The following PRKD1 variants were observed in gnomAD, a reference collection of about 807,000 sequenced individuals.
The protein encoded by PRKD1 is serine/threonine-protein kinase D1.
In PRKD1, 63 loss-of-function variants were observed where a neutral mutation model predicts 95.9. The ratio of observed to expected loss-of-function variants is 0.66; its 90% CI spans 0.54 to 0.81. The LOEUF (loss-of-function observed/expected upper bound fraction) is 0.81. PRKD1 is among the 30% of genes least tolerant of loss of function. The pLI, the probability that PRKD1 is intolerant of heterozygous loss-of-function variation, is 0.00. For missense variants in PRKD1, 1,048 were observed against 1,165.3 expected (o/e 0.90, Z 1.47); for synonymous variants, 425 against 423.1 (o/e 1.00, Z -0.05).
intron 1 of PRKD1, 102 bp from the exon 2 acceptor site, chr14:29,725,776 A>C: frequency 8.5e-7 from 1 of 1,169,644 alleles, no homozygotes; most frequent in Non-Finnish European, 1.2e-6. Flanking sequence ...GAAAAGTTCA[A>C]AGTATCTAGA....
At chr14:29,713,928 G>A (rs1441420050) in intron 2 of PRKD1, among the ~76,000 whole-genome samples, 3 of 152,234 alleles carry the variant, frequency 2.0e-5, no homozygotes, top group Admixed American at 6.5e-5. Context: ...TTAAACTCAG[G>A]CCGGTTACTT....
intron 2 of PRKD1, among the ~76,000 whole-genome samples, chr14:29,686,922 C>G (rs759955338): frequency 1.1e-4 from 17 of 152,154 alleles, no homozygotes; most frequent in Non-Finnish European, 2.1e-4. Context: ...CTGTTAACAA[C>G]ATACCATGAC....
chr14:29,651,941 T>C (rs969040506), intron 4 of PRKD1, among the ~76,000 whole-genome samples: 13 of 152,150 alleles, frequency 8.5e-5, no homozygotes, highest in African/African-American at 3.1e-4. Flanking sequence ...AGATGGGGTT[T>C]CACCACGTTG....
rs768400662 is a variant in PRKD1 at position 29,733,293 on chromosome 14, G to A, written c.265-7619C>T. ...AATTTTTTGTATTTTTAGTACAGAC[G>A]GGTTTTCACCGTGTTAGCCAGGATG... On this transcript the variant is annotated intron_variant, in intron 1 of 17. Coordinates refer to ENST00000331968, the MANE Select transcript of PRKD1 (RefSeq NM_002742.3). Among the ~76,000 whole-genome samples the A allele has an allele frequency of 2.6e-5, 4 of 151,492 alleles. No homozygotes were observed. The East Asian group carries it at 5.9e-4, about 22-fold the overall frequency.
intron 4 of PRKD1, among the ~76,000 whole-genome samples, chr14:29,660,286 T>C (rs1042166342): frequency 9.9e-5 from 15 of 152,252 alleles, no homozygotes; most frequent in African/African-American, 3.6e-4. Context: ...GCACATTGCC[T>C]TAATACTTTA....
chr14:29,784,610 C>G (rs537681849), intron 1 of PRKD1, among the ~76,000 whole-genome samples: 2 of 152,044 alleles, frequency 1.3e-5, no homozygotes, highest in African/African-American at 4.8e-5. Flanking sequence ...GCTTTCACTT[C>G]GAGATCTGAG....
chr14:29,806,074 T>C (rs975216882), intron 1 of PRKD1, among the ~76,000 whole-genome samples: 1 of 151,974 alleles, frequency 6.6e-6, no homozygotes, highest in Admixed American at 6.6e-5. Flanking sequence ...AGCAAATAAA[T>C]GCCCAGGAGA....
At chr14:29,918,952 C>G (rs1894986788) in intron 1 of PRKD1, among the ~76,000 whole-genome samples, 1 of 152,144 alleles carries the variant, frequency 6.6e-6, no homozygotes, top group Non-Finnish European at 1.5e-5. Flanking sequence ...ATTTTCATTA[C>G]TAAATTAATA....
intron 1 of PRKD1, among the ~76,000 whole-genome samples, chr14:29,830,571 C>G (rs570638286): frequency 6.6e-6 from 1 of 151,878 alleles, no homozygotes; most frequent in Non-Finnish European, 1.5e-5. Context: ...GGGTATGGTT[C>G]AAGTAGACAA....
chr14:29,740,080 T>TA (rs1886919135), intron 1 of PRKD1, among the ~76,000 whole-genome samples: 2 of 152,182 alleles, frequency 1.3e-5, no homozygotes, highest in African/African-American at 4.8e-5. Context: ...GCATTATACC[T>TA]TGACAGATTA....
rs538777958 is a variant in PRKD1, at chr14:29,743,212, A to C, written c.265-17538T>G. Reference sequence around the variant, plus strand: ...ACCTGAGAAATCTCAGCTTGTGAATAGGCCGGTAACTAGAGGTTCTCAAAA... The same window carrying C: ...ACCTGAGAAATCTCAGCTTGTGAATCGGCCGGTAACTAGAGGTTCTCAAAA... On this transcript the variant is annotated intron_variant, in intron 1 of 17. Coordinates refer to ENST00000331968, the MANE Select transcript of PRKD1 (RefSeq NM_002742.3). Among the ~76,000 whole-genome samples, 20 of 152,274 alleles carry C rather than the reference A, an allele frequency of 1.3e-4. 1 individual carries two copies. In the South Asian group the frequency reaches 4.1e-3, roughly 32 times the overall value.
intron 1 of PRKD1, among the ~76,000 whole-genome samples, chr14:29,924,834 C>T (rs1275550277): frequency 6.6e-6 from 1 of 152,120 alleles, no homozygotes; most frequent in Non-Finnish European, 1.5e-5. Flanking sequence ...TCTGCCATTC[C>T]TACTGTCACA....
chr14:29,656,757 G>T (rs895437744), intron 4 of PRKD1, among the ~76,000 whole-genome samples: 1 of 152,044 alleles, frequency 6.6e-6, no homozygotes, highest in African/African-American at 2.4e-5. Context: ...ATTGTGAGTC[G>T]CTAGATGTTA....
chr14:29,709,881 C>A (rs1885259778), intron 2 of PRKD1, among the ~76,000 whole-genome samples: 1 of 152,158 alleles, frequency 6.6e-6, no homozygotes, highest in Non-Finnish European at 1.5e-5. Context: ...TTCAGAAACA[C>A]CCTCACAGAC....
chr14:29,807,942 G>A (rs927118335), intron 1 of PRKD1, among the ~76,000 whole-genome samples: 2 of 151,904 alleles, frequency 1.3e-5, no homozygotes, highest in Non-Finnish European at 1.5e-5. Flanking sequence ...GGCTGGTCTC[G>A]AACTCCTAGC....
rs139372992 is a variant in PRKD1 at position 29,803,412 on chromosome 14, T to C, written c.265-77738A>G. On this transcript the variant is annotated intron_variant, in intron 1 of 17. Coordinates refer to ENST00000331968, the MANE Select transcript of PRKD1 (RefSeq NM_002742.3). ...TTTTTTGTTTACTGACAATGAGAAG[T>C]CACCAAGTTTTAATTTTTTTGTCTA... Among the ~76,000 whole-genome samples the C allele has an allele frequency of 9.8e-5, 15 of 152,322 alleles. No individual in the cohort carries two copies. The East Asian group carries it at 2.3e-3, about 23-fold the overall frequency.
At chr14:29,591,134 TAC>T (rs1305506092) in intron 16 of PRKD1, 1 of 152,200 alleles carries the variant, frequency 6.6e-6, no homozygotes, top group African/African-American at 2.4e-5. Flanking sequence ...ATCTTTATTA[TAC>T]ACGACTTTGT....
chr14:29,912,780 A>G (rs943953375), intron 1 of PRKD1, among the ~76,000 whole-genome samples: 2 of 152,268 alleles, frequency 1.3e-5, no homozygotes, highest in Non-Finnish European at 2.9e-5. Flanking sequence ...GTACAACTTG[A>G]AACTATGATA....
At chr14:29,795,436 G>A (rs1400901569) in intron 1 of PRKD1, among the ~76,000 whole-genome samples, 2 of 151,936 alleles carry the variant, frequency 1.3e-5, no homozygotes, top group African/African-American at 4.8e-5. Context: ...AATAATTCAT[G>A]TTCCCATTAT....
Sources: gnomAD v4.1 joint callset for allele counts (sites outside exome capture counted in the v4.1 genomes callset) on GRCh38, gnomAD v4.1.1 for gene constraint, MANE v1.5 for transcripts, NCBI Gene and HGNC (gene_info 2026-07-23, HGNC 2026-07-21) for gene names.